The following TRPV3 variants were observed in gnomAD, a reference collection of about 807,000 sequenced individuals.
TRPV3 encodes transient receptor potential cation channel subfamily V member 3, also known as VRL-3.
TRPV3 carries 88 observed loss-of-function variants against 87.1 expected under a neutral mutation model. That is an observed-to-expected ratio of 1.01 (90% CI 0.85 to 1.21). The LOEUF is 1.21. Among genes scored for constraint, TRPV3 ranks in the 50% most tolerant of loss-of-function variants. The pLI is 0.00. For synonymous variants in TRPV3, 438 were observed against 423.3 expected (o/e 1.03, Z -0.43); for missense variants, 1,054 against 1,030.1 (o/e 1.02, Z -0.32).
At position 3,528,175 on chromosome 17, in the gene TRPV3, G is replaced by C; in HGVS notation, c.1402-49C>G. ...TCAGTATAGGAAGCAAGGAGGACAG[G>C]GCTGGCACCAACTCTAGAGGGACCA... On this transcript the variant is annotated intron_variant, in intron 10 of 17. Coordinates refer to ENST00000576742, the MANE Select transcript of TRPV3 (RefSeq NM_145068.4). The surrounding 1 kb of genome is among the most constrained non-coding windows in gnomAD (Gnocchi z 4.2). The C allele has an allele frequency of 6.8e-7, 1 of 1,477,908 alleles. No individual in the cohort carries two copies. Among genetic ancestry groups the C allele is most frequent in the Non-Finnish European group, 9.3e-7 (1 of 1,077,866 alleles). The allele number at this position is 1,477,908 out of a possible 1,614,324, so 91.5% of individuals were successfully genotyped here. A position where few individuals can be genotyped will look rare whatever the true frequency, so the allele number is the denominator to read the frequency against.
rs886052845 is a variant in TRPV3, at chr17:3,511,977, A to G, written c.*1940T>C. On this transcript the variant is annotated 3_prime_UTR_variant, in exon 18 of 18. Transcript: ENST00000576742. ...CTGTTCAGGCTTAATGCGGGTAGCT[A>G]ACTCCAGATGTGGAATGCTGATTTG... 6.6e-6 allele frequency: 1 copy of G among 152,168 alleles called. No individual in the cohort carries two copies. Among genetic ancestry groups the G allele is most frequent in the African/African-American group, 2.4e-5 (1 of 41,418 alleles). The allele number at this position is 152,168 out of a possible 1,614,324, so 9.4% of individuals were successfully genotyped here.
chr17:3,528,015 G>A lies in TRPV3; in HGVS notation c.1503+10C>T. 6.2e-7 allele frequency: 1 copy of A among 1,609,472 alleles called. No homozygotes were observed. Among genetic ancestry groups the A allele is most frequent in the Non-Finnish European group, 8.5e-7 (1 of 1,176,920 alleles). On this transcript the variant is annotated intron_variant, in intron 11 of 17. Coordinates refer to ENST00000576742, the MANE Select transcript of TRPV3 (RefSeq NM_145068.4). This position sits in a 1 kb window ranked among gnomAD's most constrained non-coding sequence, Gnocchi z 4.2. ...CGGGGCGGTCTGGAAGGGCCGGGTG[G>A]CCCACTTACCTCTTTCACAGAGATG...
intron 6 of TRPV3, among the ~76,000 whole-genome samples, chr17:3,538,670 C>T (rs561695503): frequency 2.6e-5 from 4 of 152,116 alleles, no homozygotes; most frequent in African/African-American, 7.2e-5. Flanking sequence ...CTGCAACCTC[C>T]GCCTCCCAGG....
intron 6 of TRPV3, among the ~76,000 whole-genome samples, chr17:3,541,745 C>G (rs322939): frequency 0.45 from 68,471 of 152,112 alleles, 17,404 homozygotes; most frequent in East Asian, 0.6. Flanking sequence ...CCATGCCAAG[C>G]TCAATCCCAT....
At chr17:3,551,971 C>T (rs1284894068) in intron 2 of TRPV3, among the ~76,000 whole-genome samples, 1 of 143,752 alleles carries the variant, frequency 7.0e-6, no homozygotes, top group Admixed American at 7.4e-5. Flanking sequence ...CAACTTCCGC[C>T]TCCCAAATTC....
chr17:3,530,182 G>A lies in TRPV3; in HGVS notation c.1087C>T (p.Arg363Cys), dbSNP rs773431072. 1.6e-5 allele frequency: 26 copies of A among 1,613,058 alleles called. No homozygotes were observed. Among genetic ancestry groups the A allele is most frequent in the South Asian group, 1.3e-4 (12 of 90,868 alleles). The change falls in exon 9 of 18, where the codon CGT (arginine) becomes TGT (cysteine). Residue 363 changes from arginine (R) to cysteine (C), a missense_variant. Physicochemically the swap from Arg to Cys is radical, Grantham distance 180. Coordinates refer to ENST00000576742, the MANE Select transcript of TRPV3 (RefSeq NM_145068.4). The surrounding 1 kb of genome is among the most constrained non-coding windows in gnomAD (Gnocchi z 4.0). ...KAEILKYILS[R>C]EIKEKRLRSL... Reference sequence around the variant, plus strand: ...CGGAGCCGCTTCTCCTTGATCTCACGACTGAGGATGTACTTCAGGATCTGG... The same window carrying A: ...CGGAGCCGCTTCTCCTTGATCTCACAACTGAGGATGTACTTCAGGATCTGG...
intron 4 of TRPV3, among the ~76,000 whole-genome samples, chr17:3,543,954 C>A (rs1467180423): frequency 6.6e-6 from 1 of 152,114 alleles, no homozygotes; most frequent in Non-Finnish European, 1.5e-5. Context: ...CCTTCCCTGT[C>A]CTCCCACTCC....
chr17:3,522,806 GACTC>G (rs1261091969), intron 13 of TRPV3, among the ~76,000 whole-genome samples: 3 of 136,818 alleles, frequency 2.2e-5, no homozygotes, highest in Non-Finnish European at 3.1e-5. Flanking sequence ...AACAGAGCGA[GACTC>G]AGTCACAAAC....
intron 7 of TRPV3, among the ~76,000 whole-genome samples, chr17:3,535,255 C>T (rs2074393705): frequency 1.3e-5 from 1 of 76,232 alleles, no homozygotes; most frequent in Non-Finnish European, 2.4e-5. Flanking sequence ...CCTCCTTACT[C>T]CTCCTCCCTC....
intron 6 of TRPV3, among the ~76,000 whole-genome samples, chr17:3,540,665 A>G (rs755398566): frequency 3.9e-5 from 6 of 152,238 alleles, no homozygotes; most frequent in Non-Finnish European, 5.9e-5. Context: ...TTGCTAGCAA[A>G]GGGTAGTTCG....
chr17:3,522,701 C>T (rs1385551876), intron 13 of TRPV3, among the ~76,000 whole-genome samples: 1 of 151,638 alleles, frequency 6.6e-6, no homozygotes, highest in Non-Finnish European at 1.5e-5. Context: ...CCTGTAGTCC[C>T]AGCTACTCAG....
At position 3,542,549 on chromosome 17, in the gene TRPV3, C is replaced by G. The variant is rs767045277; in HGVS notation, c.616G>C (p.Ala206Pro). Residue 206 changes from alanine (A) to proline (P), a missense_variant, in exon 6 of 18, where the codon GCC becomes CCC. By Grantham distance (27) the Ala-to-Pro change is conservative. Coordinates refer to ENST00000576742, the MANE Select transcript of TRPV3 (RefSeq NM_145068.4). ...TCATAGGCCTCCTCTGTGTACTCGGCGTTGATGAACCTGCCCAGGATGTCG... is the reference window on the plus strand; with the variant it reads ...TCATAGGCCTCCTCTGTGTACTCGGGGTTGATGAACCTGCCCAGGATGTCG... Reference protein sequence around the residue: ...ENDILGRFINAEYTEEAYEGQ... With the variant: ...ENDILGRFINPEYTEEAYEGQ... 6.2e-7 allele frequency: 1 copy of G among 1,613,880 alleles called. No individual in the cohort carries two copies. Among genetic ancestry groups the G allele is most frequent in the East Asian group, 2.2e-5 (1 of 44,878 alleles).
At chr17:3,517,966 G>A (rs527735489) in intron 15 of TRPV3, among the ~76,000 whole-genome samples, 32 of 151,970 alleles carry the variant, frequency 2.1e-4, no homozygotes, top group Non-Finnish European at 3.1e-4. Flanking sequence ...TTACAGGTGC[G>A]TACTAACACA....
rs1327071601 is a variant in TRPV3 at position 3,528,290 on chromosome 17, C to A, written c.1402-164G>T. ...AAGAGAAGGAAGAGCAGCTCCCTGA[C>A]CCCAACTCTCCTCACCCTTGATGGA... On this transcript the variant is annotated intron_variant, in intron 10 of 17. Transcript: ENST00000576742. The surrounding 1 kb of genome is among the most constrained non-coding windows in gnomAD (Gnocchi z 4.2). Among the ~76,000 whole-genome samples the A allele has an allele frequency of 1.3e-5, 2 of 152,134 alleles. No homozygotes were observed. Among genetic ancestry groups the A allele is most frequent in the Non-Finnish European group, 2.9e-5 (2 of 68,014 alleles).
chr17:3,517,619 CAA>C (rs34610978), intron 15 of TRPV3, among the ~76,000 whole-genome samples: 11 of 65,360 alleles, frequency 1.7e-4, no homozygotes, highest in Non-Finnish European at 1.3e-4. Flanking sequence ...GACCCTGTCT[CAA>C]AAAAAAAAAA....
chr17:3,533,127 C>T (rs541290922), intron 7 of TRPV3, among the ~76,000 whole-genome samples, 190 bp from the exon 8 acceptor site: 1 of 152,312 alleles, frequency 6.6e-6, no homozygotes, highest in African/African-American at 2.4e-5. Flanking sequence ...AACTGGCCTC[C>T]CTGCCTCCAC....
chr17:3,525,781 A>G (rs994853617), intron 12 of TRPV3, among the ~76,000 whole-genome samples: 3 of 151,834 alleles, frequency 2.0e-5, no homozygotes, highest in African/African-American at 7.3e-5. Flanking sequence ...CACCACACAC[A>G]AGGCTAATTT....
intron 1 of TRPV3, among the ~76,000 whole-genome samples, chr17:3,555,813 CA>C (rs1213407924): frequency 1.3e-5 from 2 of 152,078 alleles, no homozygotes; most frequent in African/African-American, 4.8e-5. Context: ...CTGGGGAGCT[CA>C]TGGGGACCCT....
At chr17:3,524,730 G>C (rs922504102) in intron 12 of TRPV3, among the ~76,000 whole-genome samples, 9 of 151,548 alleles carry the variant, frequency 5.9e-5, no homozygotes, top group African/African-American at 1.9e-4. Flanking sequence ...CCAACACTTT[G>C]GGGGGCTGAG....
Sources: allele counts gnomAD v4.1 joint callset (sites outside exome capture counted in the v4.1 genomes callset), GRCh38; gene constraint gnomAD v4.1.1; non-coding constraint Gnocchi (gnomAD v3.1); transcripts MANE v1.5; gene names NCBI Gene and HGNC (gene_info 2026-07-23, HGNC 2026-07-21).